TBC1D30: variants seen among roughly 807,000 people sequenced by gnomAD.
TBC1D30 encodes TBC1 domain family, member 30.
Under a neutral mutation model 63.2 loss-of-function variants are expected in TBC1D30, and 31 were observed. The observed-to-expected ratio is 0.49, with a 90% confidence interval of 0.37 to 0.66. TBC1D30 has a LOEUF of 0.66. Ranked by LOEUF, TBC1D30 falls within the 30% of genes least tolerant of loss-of-function variation. The pLI, the probability that TBC1D30 is intolerant of heterozygous loss-of-function variation, is 0.00. For missense variants in TBC1D30, 810 were observed against 953.6 expected, an observed-to-expected ratio of 0.85 and a Z score of 1.98; for synonymous variants, 307 against 361.5, an observed-to-expected ratio of 0.85 and a Z score of 1.71.
chr12:64,805,678 C>T (rs1013695921), intron 2 of TBC1D30, among the ~76,000 whole-genome samples: 1 of 151,846 alleles, frequency 6.6e-6, no homozygotes, highest in Non-Finnish European at 1.5e-5. Context: ...ACTAAAAATA[C>T]AAAAATTAGT....
At chr12:64,783,881 C>T in intron 1 of TBC1D30, among the ~76,000 whole-genome samples, 1 of 2,610 alleles carries the variant, frequency 3.8e-4, no homozygotes, top group East Asian at 0.016. Flanking sequence ...TGGTCTCAAA[C>T]TCCTGACCTC....
chr12:64,765,490 C>CAA (rs60489979), intron 1 of TBC1D30, among the ~76,000 whole-genome samples: 2,222 of 17,584 alleles, frequency 0.13, 702 homozygotes, highest in East Asian at 0.45. Flanking sequence ...AGACTGTCTC[C>CAA]AAAAAAAAAA....
intron 1 of TBC1D30, among the ~76,000 whole-genome samples, chr12:64,770,991 C>T (rs11175544): frequency 0.12 from 17,992 of 151,816 alleles, 1,379 homozygotes; most frequent in Middle Eastern, 0.18. Flanking sequence ...GGATTATAGC[C>T]GTGAGCCACC....
intron 1 of TBC1D30, among the ~76,000 whole-genome samples, chr12:64,761,350 C>G (rs1173823191): frequency 1.3e-5 from 2 of 152,020 alleles, no homozygotes. Context: ...CTGTCAGAGG[C>G]GATTGAACCA....
chr12:64,822,176 A>G (rs1281628265), upstream of TBC1D30, among the ~76,000 whole-genome samples: 1 of 152,074 alleles, frequency 6.6e-6, no homozygotes, highest in Non-Finnish European at 1.5e-5. Context: ...TTTTCAATCA[A>G]TAGCAGCCAT....
chr12:64,839,351 T>C (rs371940652), intron 7 of TBC1D30, among the ~76,000 whole-genome samples: 8 of 152,368 alleles, frequency 5.3e-5, no homozygotes, highest in Non-Finnish European at 1.0e-4. Flanking sequence ...TGTTGGAATC[T>C]GTTACTGCCA....
upstream of TBC1D30, among the ~76,000 whole-genome samples, chr12:64,824,417 C>T (rs1874100438): frequency 1.3e-5 from 2 of 152,320 alleles, no homozygotes; most frequent in South Asian, 4.1e-4. Context: ...TCTGTTCCCT[C>T]CCAGATCTTG....
At chr12:64,854,119 T>C (rs1481808325) in intron 8 of TBC1D30, among the ~76,000 whole-genome samples, 1 of 152,196 alleles carries the variant, frequency 6.6e-6, no homozygotes, top group Non-Finnish European at 1.5e-5. Context: ...TGCCATTTTG[T>C]TATTTGTTTT....
chr12:64,806,060 A>T (rs371395408), intron 2 of TBC1D30, among the ~76,000 whole-genome samples: 1 of 152,188 alleles, frequency 6.6e-6, no homozygotes, highest in African/African-American at 2.4e-5. Context: ...TGCTGTTGTC[A>T]TTGTTCATTC....
intron 2 of TBC1D30, chr12:64,787,305 T>C: frequency 1.1e-6 from 1 of 922,754 alleles, no homozygotes; most frequent in Non-Finnish European, 1.3e-6. Flanking sequence ...TAGCCTTATG[T>C]TTTATTCTGC....
chr12:64,799,211 C>A (rs956808489), intron 2 of TBC1D30, among the ~76,000 whole-genome samples: 1 of 152,044 alleles, frequency 6.6e-6, no homozygotes, highest in East Asian at 1.9e-4. Context: ...ACTCTGGAGC[C>A]ATGTCCCCTG....
intron 1 of TBC1D30, among the ~76,000 whole-genome samples, chr12:64,761,898 C>A (rs545784236): frequency 6.6e-6 from 1 of 152,170 alleles, no homozygotes; most frequent in Non-Finnish European, 1.5e-5. Context: ...GACCCCTTTC[C>A]GGTAACACTG....
rs546131660 is a variant in TBC1D30, at chr12:64,835,424, T to A, written c.595-1066T>A. ...GGGGTGGAAATAGAGTTTTATAGTA[T>A]CCTGAGTGTCAAAATGTGAGATAGC... On this transcript the variant is annotated intron_variant, in intron 5 of 11. Transcript: ENST00000539867. Among the ~76,000 whole-genome samples the A allele has an allele frequency of 3.3e-5, 5 of 152,270 alleles. No individual in the cohort carries two copies. In the South Asian group the frequency reaches 8.3e-4, roughly 25 times the overall value.
At position 64,832,058 on chromosome 12, in the gene TBC1D30, G is replaced by A. The variant is rs531903836; in HGVS notation, c.409-61G>A. On this transcript the variant is annotated intron_variant, in intron 4 of 11. Transcript: ENST00000539867. ...CTGTTTATTGAGTCAAAAAAAAAAG[G>A]TATTGTTTTGGAAAGAATATTAGGA... is the stretch of plus-strand genomic sequence containing the variant. The A allele has an allele frequency of 8.7e-6, 12 of 1,386,240 alleles. No homozygotes were observed. In the Admixed American group the frequency reaches 1.1e-4, roughly 13 times the overall value. The allele number at this position is 1,386,240 out of a possible 1,614,324, so 85.9% of individuals were successfully genotyped here.
chr12:64,822,283 T>G (rs1873931772), upstream of TBC1D30, among the ~76,000 whole-genome samples: 1 of 151,628 alleles, frequency 6.6e-6, no homozygotes, highest in Admixed American at 6.6e-5. Flanking sequence ...TGGGTTCAAG[T>G]GATCCTCCTG....
chr12:64,790,720 G>A (rs1274063624), intron 2 of TBC1D30, among the ~76,000 whole-genome samples: 1 of 152,162 alleles, frequency 6.6e-6, no homozygotes, highest in Non-Finnish European at 1.5e-5. Context: ...TAAAATGCCT[G>A]GTAGAGACTG....
At chr12:64,830,860 G>A (rs940657176) in intron 4 of TBC1D30, among the ~76,000 whole-genome samples, 1 of 152,196 alleles carries the variant, frequency 6.6e-6, no homozygotes, top group Non-Finnish European at 1.5e-5. Context: ...ATATGAGAAT[G>A]ATTTGGTTCT....
Position 64,875,061 on chromosome 12 carries a change from A to G in TBC1D30, c.1559A>G (p.His520Arg). The G allele has an allele frequency of 6.5e-7, 1 of 1,536,698 alleles. No homozygotes were observed. The highest frequency in any genetic ancestry group is 8.7e-7 in the Non-Finnish European group (1 of 1,147,020). Residue 520 changes from histidine (H) to arginine (R), a missense_variant, in exon 12 of 12, where the codon CAC becomes CGC. By Grantham distance (29) the His-to-Arg change is conservative. Transcript: ENST00000539867. ...GTAAACAGTTCTCCAGTTATAAACC[A>G]CCTTCTTTTAGGAAAGAAGATGAAA... ...SQVNSSPVIN[H>R]LLLGKKMKMT...
At chr12:64,865,766 G>A (rs145086235) in intron 9 of TBC1D30, among the ~76,000 whole-genome samples, 424 of 152,252 alleles carry the variant, frequency 2.8e-3, no homozygotes, top group African/African-American at 9.8e-3. Context: ...TGAGGCAGGA[G>A]GATTGCTTGC....
Sources: gnomAD v4.1 joint callset for allele counts (sites outside exome capture counted in the v4.1 genomes callset) on GRCh38, gnomAD v4.1.1 for gene constraint, MANE v1.5 for transcripts, NCBI Gene and HGNC (gene_info 2026-07-23, HGNC 2026-07-21) for gene names.